Variants in LOC128706665 observed in about 807,000 individuals in gnomAD.
the LOC128706665 span, among the ~76,000 whole-genome samples, chr20:10,428,767 A>AG: frequency 6.6e-6 from 1 of 152,200 alleles, no homozygotes; most frequent in Non-Finnish European, 1.5e-5. Context: ...TGAATCCAGG[A>AG]GGCAGAGGTT....
At chr20:10,425,207 AC>A in the LOC128706665 span, among the ~76,000 whole-genome samples, 1 of 152,234 alleles carries the variant, frequency 6.6e-6, no homozygotes, top group Non-Finnish European at 1.5e-5. Context: ...ATCATGATAC[AC>A]ATGCTGTTTT....
At chr20:10,417,566 T>C in the LOC128706665 span, among the ~76,000 whole-genome samples, 1 of 152,144 alleles carries the variant, frequency 6.6e-6, no homozygotes, top group Non-Finnish European at 1.5e-5. Context: ...AGCTATGATA[T>C]GTTACTGCAC....
the LOC128706665 span, among the ~76,000 whole-genome samples, chr20:10,427,485 G>T: frequency 8.5e-5 from 13 of 152,306 alleles, no homozygotes; most frequent in African/African-American, 1.9e-4. Flanking sequence ...TACTGGAATT[G>T]TACTATGCCT....
the LOC128706665 span, among the ~76,000 whole-genome samples, chr20:10,431,486 A>T: frequency 6.6e-6 from 1 of 152,092 alleles, no homozygotes; most frequent in Admixed American, 6.6e-5. Flanking sequence ...AGATAATGGG[A>T]CAATCTTAAT....
the LOC128706665 span, among the ~76,000 whole-genome samples, chr20:10,422,001 T>G: frequency 6.6e-6 from 1 of 152,240 alleles, no homozygotes; most frequent in Middle Eastern, 3.4e-3. Context: ...TACTTTATTT[T>G]TGTCTAAATG....
chr20:10,428,376 G>A, the LOC128706665 span, among the ~76,000 whole-genome samples: 146 of 152,288 alleles, frequency 9.6e-4, no homozygotes, highest in African/African-American at 3.5e-3. Context: ...TTCCTGGTAT[G>A]TTCTGAATCC....
At chr20:10,431,916 T>C in the LOC128706665 span, 1 of 148,138 alleles carries the variant, frequency 6.8e-6, no homozygotes, top group South Asian at 2.1e-4. Context: ...ACCTAAAGTG[T>C]TTTCCCTCTC....
the LOC128706665 span, among the ~76,000 whole-genome samples, chr20:10,416,467 A>G: frequency 6.6e-6 from 1 of 152,128 alleles, no homozygotes; most frequent in East Asian, 1.9e-4. Context: ...AAAATGGGAC[A>G]ACTTTAGCAT....
chr20:10,428,302 C>A, the LOC128706665 span, among the ~76,000 whole-genome samples: 1 of 152,122 alleles, frequency 6.6e-6, no homozygotes, highest in Non-Finnish European at 1.5e-5. Flanking sequence ...ATGCAGATAG[C>A]CAGATTGTTC....
chr20:10,418,392 G>A, the LOC128706665 span, among the ~76,000 whole-genome samples: 30 of 152,238 alleles, frequency 2.0e-4, no homozygotes, highest in South Asian at 6.2e-3. Context: ...TTTATCTTGA[G>A]GCATGTATGT....
the LOC128706665 span, among the ~76,000 whole-genome samples, chr20:10,432,155 G>T: frequency 6.6e-6 from 1 of 152,224 alleles, no homozygotes. Context: ...GATCAATCAA[G>T]GGGTATAAAA....
At chr20:10,420,071 T>C in the LOC128706665 span, among the ~76,000 whole-genome samples, 1 of 152,314 alleles carries the variant, frequency 6.6e-6, no homozygotes, top group Non-Finnish European at 1.5e-5. Flanking sequence ...ACCTAAATTA[T>C]ATAACTTCAT....
At chr20:10,425,565 T>C in the LOC128706665 span, among the ~76,000 whole-genome samples, 96 of 152,350 alleles carry the variant, frequency 6.3e-4, no homozygotes, top group African/African-American at 2.1e-3. Flanking sequence ...TGAAACAAAC[T>C]TAAGCTATTT....
the LOC128706665 span, among the ~76,000 whole-genome samples, chr20:10,427,548 T>C: frequency 6.6e-6 from 1 of 152,262 alleles, no homozygotes; most frequent in Non-Finnish European, 1.5e-5. Flanking sequence ...TCTTCATTTC[T>C]GAATTCTCAT....
At chr20:10,415,839 A>C in the LOC128706665 span, among the ~76,000 whole-genome samples, 1 of 152,030 alleles carries the variant, frequency 6.6e-6, no homozygotes, top group Non-Finnish European at 1.5e-5. Context: ...ACCAGTACAC[A>C]TATCTTTTGG....
At chr20:10,429,444 C>T in the LOC128706665 span, among the ~76,000 whole-genome samples, 11 of 152,188 alleles carry the variant, frequency 7.2e-5, no homozygotes, top group African/African-American at 2.2e-4. Context: ...GGCTCTCACA[C>T]GTTCATCTCC....
the LOC128706665 span, among the ~76,000 whole-genome samples, chr20:10,430,781 G>T: frequency 6.6e-6 from 1 of 152,210 alleles, no homozygotes; most frequent in South Asian, 2.1e-4. Flanking sequence ...GAGCAAAGAA[G>T]CAAAGACGGT....
chr20:10,428,854 T>C, the LOC128706665 span, among the ~76,000 whole-genome samples: 1 of 151,954 alleles, frequency 6.6e-6, no homozygotes. Context: ...AATAAATAAA[T>C]AAATAAATAA....
At chr20:10,416,661 G>C in the LOC128706665 span, among the ~76,000 whole-genome samples, 1 of 152,092 alleles carries the variant, frequency 6.6e-6, no homozygotes, top group Admixed American at 6.6e-5. Flanking sequence ...TGCATTTTGG[G>C]GTAACTGAAT....
Sources: allele counts gnomAD v4.1 joint callset (sites outside exome capture counted in the v4.1 genomes callset), GRCh38; gene constraint gnomAD v4.1.1; transcripts MANE v1.5.